The following GPR158 variants were observed in gnomAD, a reference collection of about 807,000 sequenced individuals.
The protein encoded by GPR158 is G protein-coupled receptor 158.
GPR158 carries 30 observed loss-of-function variants against 78.2 expected under a neutral mutation model. The ratio of observed to expected loss-of-function variants is 0.38; its 90% CI spans 0.29 to 0.52. The LOEUF (loss-of-function observed/expected upper bound fraction) is 0.52. Ranked by LOEUF, GPR158 falls within the 20% of genes least tolerant of loss-of-function variation. GPR158 has a pLI of 0.83. For missense variants in GPR158, 1,463 were observed against 1,523.5 expected (o/e 0.96, Z 0.66); for synonymous variants, 581 against 591.1 (o/e 0.98, Z 0.25).
At chr10:25,413,897 T>C (rs1357416936) in intron 4 of GPR158, among the ~76,000 whole-genome samples, 1 of 152,178 alleles carries the variant, frequency 6.6e-6, no homozygotes. Context: ...CTTATCTTTC[T>C]TTTGCAACAA....
chr10:25,299,336 T>C (rs1050367613), intron 2 of GPR158, among the ~76,000 whole-genome samples: 1 of 152,194 alleles, frequency 6.6e-6, no homozygotes, highest in Non-Finnish European at 1.5e-5. Flanking sequence ...CTTGGATCCC[T>C]AGACTTATTC....
chr10:25,371,388 G>A (rs539937731), intron 2 of GPR158, among the ~76,000 whole-genome samples: 30 of 151,656 alleles, frequency 2.0e-4, no homozygotes, highest in African/African-American at 5.8e-4. Flanking sequence ...TAAAGAGCCC[G>A]CATCGCCATG....
chr10:25,324,546 TATA>T (rs960444638), intron 2 of GPR158, among the ~76,000 whole-genome samples: 2 of 152,082 alleles, frequency 1.3e-5, no homozygotes, highest in South Asian at 2.1e-4. Context: ...CCATAACAGA[TATA>T]ATAATAATAA....
chr10:25,412,655 G>A (rs1010115911), intron 4 of GPR158, among the ~76,000 whole-genome samples, 182 bp downstream of exon 4: 1 of 152,154 alleles, frequency 6.6e-6, no homozygotes, highest in Non-Finnish European at 1.5e-5. Context: ...ATTAAAACAT[G>A]ATACTTTATT....
At chr10:25,577,944 A>G (rs1037881275) in intron 7 of GPR158, among the ~76,000 whole-genome samples, 3 of 152,372 alleles carry the variant, frequency 2.0e-5, no homozygotes, top group South Asian at 2.1e-4. Flanking sequence ...CTTTTCAGGC[A>G]GAGTAGTCAG....
intron 5 of GPR158, among the ~76,000 whole-genome samples, chr10:25,480,210 T>C (rs1156863930): frequency 1.3e-5 from 2 of 152,208 alleles, no homozygotes; most frequent in Non-Finnish European, 2.9e-5. Context: ...TATTTGATAA[T>C]GTCCCTTTTG....
chr10:25,324,797 T>G, intron 2 of GPR158, among the ~76,000 whole-genome samples: 1 of 151,464 alleles, frequency 6.6e-6, no homozygotes, highest in Non-Finnish European at 1.5e-5. Context: ...ATAAGTAAAA[T>G]ATATATTAGG....
intron 4 of GPR158, among the ~76,000 whole-genome samples, chr10:25,425,685 T>A (rs1256589769): frequency 1.3e-5 from 2 of 152,122 alleles, no homozygotes; most frequent in African/African-American, 4.8e-5. Flanking sequence ...ACAAGGAATT[T>A]AAACAAATCA....
chr10:25,284,302 TGTTA>T (rs1854316733), intron 2 of GPR158, among the ~76,000 whole-genome samples: 1 of 152,206 alleles, frequency 6.6e-6, no homozygotes, highest in Admixed American at 6.5e-5. Flanking sequence ...GAAGCTCTGG[TGTTA>T]GTTGCATGTA....
intron 5 of GPR158, among the ~76,000 whole-genome samples, chr10:25,484,136 C>G (rs866493667): frequency 2.6e-5 from 4 of 152,132 alleles, no homozygotes; most frequent in African/African-American, 7.2e-5. Flanking sequence ...AGCCCTACCC[C>G]ACTGTTATCT....
chr10:25,329,923 G>A (rs9417407), intron 2 of GPR158, among the ~76,000 whole-genome samples: 1,789 of 152,016 alleles, frequency 0.012, 14 homozygotes, highest in Non-Finnish European at 0.019. Flanking sequence ...GATAAAAATT[G>A]TAACACTTTG....
intron 2 of GPR158, among the ~76,000 whole-genome samples, chr10:25,269,490 A>G (rs1854087855): frequency 6.6e-6 from 1 of 152,114 alleles, no homozygotes; most frequent in Non-Finnish European, 1.5e-5. Context: ...CCCTGACCAC[A>G]TTTTAGTTTT....
intron 4 of GPR158, among the ~76,000 whole-genome samples, chr10:25,425,053 A>G (rs1834801183): frequency 6.6e-6 from 1 of 151,900 alleles, no homozygotes; most frequent in Admixed American, 6.6e-5. Context: ...CTCCTCTTTT[A>G]TTTCATTGAG....
chr10:25,191,893 A>G (rs993197666), intron 1 of GPR158, among the ~76,000 whole-genome samples: 1 of 152,096 alleles, frequency 6.6e-6, no homozygotes, highest in South Asian at 2.1e-4. Flanking sequence ...CAACTGTAAC[A>G]TAGGGGCTAT....
At chr10:25,571,892 C>T (rs1288947554) in intron 6 of GPR158, among the ~76,000 whole-genome samples, 2 of 152,056 alleles carry the variant, frequency 1.3e-5, no homozygotes, top group African/African-American at 4.8e-5. Flanking sequence ...ATGCAATGGC[C>T]TTAGTCTACC....
In GPR158 at chr10:25,597,808, T is replaced by C. The variant is rs751632137; in HGVS notation, c.2182T>C (p.Tyr728His). Residue 728 changes from tyrosine to histidine, a missense_variant, in exon 11 of 11, where the codon TAT (tyrosine) becomes CAT (histidine). Coordinates refer to ENST00000376351, the MANE Select transcript of GPR158 (RefSeq NM_020752.3). ...LKKLYAQLEI[Y>H]KRKKMITNNP... ...AAAACTCTATGCCCAACTGGAAATATATAAAAGAAAGAAGATGATCACAAA... is the reference window on the plus strand; with the variant it reads ...AAAACTCTATGCCCAACTGGAAATACATAAAAGAAAGAAGATGATCACAAA... 3 of 1,513,626 alleles carry C rather than the reference T, an allele frequency of 2.0e-6. No individual in the cohort carries two copies. Among genetic ancestry groups the C allele is most frequent in the East Asian group, 4.6e-5 (2 of 43,916 alleles). The allele number at this position is 1,513,626 out of a possible 1,614,324, so 93.8% of individuals were successfully genotyped here.
At chr10:25,501,945 A>G (rs1835949965) in intron 5 of GPR158, among the ~76,000 whole-genome samples, 1 of 152,004 alleles carries the variant, frequency 6.6e-6, no homozygotes, top group African/African-American at 2.4e-5. Context: ...TACCCCCAGC[A>G]CTTGCAAACT....
chr10:25,350,601 A>T (rs1487971206), intron 2 of GPR158, among the ~76,000 whole-genome samples: 1 of 151,992 alleles, frequency 6.6e-6, no homozygotes, highest in Non-Finnish European at 1.5e-5. Context: ...GGTAAGCAAG[A>T]TAAGGGTATT....
At chr10:25,317,290 C>T (rs986527481) in intron 2 of GPR158, among the ~76,000 whole-genome samples, 19 of 151,938 alleles carry the variant, frequency 1.3e-4, no homozygotes, top group Admixed American at 4.6e-4. Flanking sequence ...TCAGGTTATC[C>T]ACCCACCTCA....
Sources: allele counts gnomAD v4.1 joint callset (sites outside exome capture counted in the v4.1 genomes callset), GRCh38; gene constraint gnomAD v4.1.1; transcripts MANE v1.5; gene names NCBI Gene and HGNC (gene_info 2026-07-23, HGNC 2026-07-21).